Variants in CSMD1 observed in about 807,000 individuals in gnomAD.
The protein encoded by CSMD1 is CUB and Sushi multiple domains 1.
A neutral mutation model predicts 417.5 loss-of-function variants in CSMD1; 213 were observed. That is an observed-to-expected ratio of 0.51 (90% CI 0.46 to 0.57). The LOEUF (loss-of-function observed/expected upper bound fraction) is 0.57, where lower values mean the gene tolerates loss of function less well. Among genes scored for constraint, CSMD1 ranks in the 20% least tolerant of loss-of-function variants. The probability of loss-of-function intolerance (pLI) is 0.00; values close to 1 mark genes in which losing one functional copy is unlikely to be tolerated. For missense variants in CSMD1, 6,923 were observed against 4,529.7 expected (o/e 1.53, Z -15.17); for synonymous variants, 2,862 against 1,736.8 (o/e 1.65, Z -16.11).
chr8:3,427,805 C>A (rs1306953308), intron 12 of CSMD1, among the ~76,000 whole-genome samples: 4 of 152,278 alleles, frequency 2.6e-5, no homozygotes, highest in Admixed American at 2.6e-4. Flanking sequence ...ACTTTAAAAA[C>A]CCTCTCTAGA....
chr8:4,373,817 A>C (rs1310342677), intron 3 of CSMD1, among the ~76,000 whole-genome samples: 7 of 152,186 alleles, frequency 4.6e-5, no homozygotes, highest in African/African-American at 1.7e-4. Flanking sequence ...CAAAGCCTGG[A>C]AGACAGTACT....
intron 5 of CSMD1, among the ~76,000 whole-genome samples, chr8:3,817,966 G>C (rs1220052440): frequency 1.3e-5 from 2 of 152,020 alleles, no homozygotes; most frequent in Non-Finnish European, 2.9e-5. Flanking sequence ...TGGTATCTTT[G>C]GTATACTTAC....
chr8:3,301,981 A>G (rs566452182), intron 25 of CSMD1, among the ~76,000 whole-genome samples: 1 of 152,154 alleles, frequency 6.6e-6, no homozygotes, highest in African/African-American at 2.4e-5. Flanking sequence ...CATATAATTT[A>G]TCAAAAGAAT....
chr8:3,106,278 T>A lies in CSMD1; in HGVS notation c.6949+250A>T, dbSNP rs143390788. ...CAGGCATGGTGGTGCATGCATGTAG[T>A]CCCAGTTACTCAGGAGGCTGAGGCA... On this transcript the variant is annotated intron_variant, in intron 46 of 69. Transcript: ENST00000635120. Among the ~76,000 whole-genome samples the A allele has an allele frequency of 1.8e-3, 267 of 150,308 alleles. 2 individuals carry two copies. The highest frequency in any genetic ancestry group is 6.0e-3 in the African/African-American group (247 of 40,952).
chr8:4,130,210 C>G (rs1803013661), intron 3 of CSMD1, among the ~76,000 whole-genome samples: 2 of 152,104 alleles, frequency 1.3e-5, no homozygotes. Flanking sequence ...CTCAGGGTCC[C>G]TCACTTTCTT....
chr8:3,523,412 G>C (rs2117463757), intron 10 of CSMD1, among the ~76,000 whole-genome samples: 1 of 152,332 alleles, frequency 6.6e-6, no homozygotes, highest in Admixed American at 6.5e-5. Flanking sequence ...AGAGATCAAA[G>C]CGTTTGCAAC....
chr8:4,323,224 A>G (rs1181935724), intron 3 of CSMD1, among the ~76,000 whole-genome samples: 1 of 152,200 alleles, frequency 6.6e-6, no homozygotes. Context: ...TGATTGTAAG[A>G]GAAGTTAGGC....
chr8:4,873,740 T>G (rs2116925046), intron 1 of CSMD1, among the ~76,000 whole-genome samples: 1 of 152,278 alleles, frequency 6.6e-6, no homozygotes, highest in East Asian at 1.9e-4. Context: ...GCTCAAAGCC[T>G]TGAAAAATAT....
At chr8:4,133,878 T>G (rs1404602868) in intron 3 of CSMD1, among the ~76,000 whole-genome samples, 2 of 152,270 alleles carry the variant, frequency 1.3e-5, no homozygotes, top group South Asian at 2.1e-4. Flanking sequence ...GACAGGAAAT[T>G]TTTTATAAGA....
rs190717308 is a variant in CSMD1, at chr8:4,473,993, A to C, written c.303-53928T>G. Among the ~76,000 whole-genome samples, 521 of 152,288 alleles carry C rather than the reference A, an allele frequency of 3.4e-3. 6 individuals carry two copies. The highest frequency in any genetic ancestry group is 0.012 in the African/African-American group (502 of 41,560). On this transcript the variant is annotated intron_variant, in intron 2 of 69. Coordinates refer to ENST00000635120, the MANE Select transcript of CSMD1 (RefSeq NM_033225.6). ...TACCTGTGTCAAAAGAGACACAAAAAATTAATTTCAGAAAGACCCAATCCA... is the reference window on the plus strand; with the variant it reads ...TACCTGTGTCAAAAGAGACACAAAACATTAATTTCAGAAAGACCCAATCCA...
At chr8:4,638,861 C>T (rs1465088517) in intron 1 of CSMD1, among the ~76,000 whole-genome samples, 1 of 152,206 alleles carries the variant, frequency 6.6e-6, no homozygotes. Flanking sequence ...TGATTTCATT[C>T]TGCCTCTGCC....
chr8:3,292,966 G>A (rs534770357), intron 25 of CSMD1, among the ~76,000 whole-genome samples: 226 of 151,932 alleles, frequency 1.5e-3, no homozygotes, highest in East Asian at 5.4e-3. Context: ...GGCTGGTACC[G>A]GTTGTTCCTT....
chr8:3,335,070 G>C (rs527250737), intron 23 of CSMD1, among the ~76,000 whole-genome samples: 1 of 152,312 alleles, frequency 6.6e-6, no homozygotes, highest in South Asian at 2.1e-4. Context: ...GAGAAGTATA[G>C]CTATGACTCA....
chr8:3,391,182 G>A (rs1387328105), intron 17 of CSMD1, among the ~76,000 whole-genome samples: 1 of 146,114 alleles, frequency 6.8e-6, no homozygotes, highest in Non-Finnish European at 1.5e-5. Flanking sequence ...GCAAACAATT[G>A]GTGTGGTGTG....
chr8:3,227,802 C>T (rs111337881), intron 27 of CSMD1, among the ~76,000 whole-genome samples: 354 of 150,722 alleles, frequency 2.3e-3, no homozygotes, highest in African/African-American at 8.2e-3. Context: ...GAGTCTCACT[C>T]TGTTGCACAG....
intron 5 of CSMD1, among the ~76,000 whole-genome samples, chr8:3,833,203 C>T (rs1251098633): frequency 6.6e-6 from 1 of 152,044 alleles, no homozygotes; most frequent in Non-Finnish European, 1.5e-5. Flanking sequence ...AATTTTTAAT[C>T]AAGAATTTTT....
At chr8:3,302,806 G>C (rs1220512726) in intron 25 of CSMD1, among the ~76,000 whole-genome samples, 1 of 152,196 alleles carries the variant, frequency 6.6e-6, no homozygotes, top group Non-Finnish European at 1.5e-5. Flanking sequence ...CATGGCAGCT[G>C]AAATGTGAGT....
chr8:3,495,623 C>A (rs953521229), intron 10 of CSMD1, among the ~76,000 whole-genome samples: 1 of 152,180 alleles, frequency 6.6e-6, no homozygotes, highest in African/African-American at 2.4e-5. Context: ...GCATAGACAG[C>A]TTTTAGTTTG....
intron 1 of CSMD1, among the ~76,000 whole-genome samples, chr8:4,898,390 G>A (rs779655559): frequency 1.3e-5 from 2 of 151,472 alleles, no homozygotes; most frequent in African/African-American, 4.9e-5. Flanking sequence ...TTGCAGTCAA[G>A]TACTAGCAAT....
Sources: gnomAD v4.1 joint callset for allele counts (sites outside exome capture counted in the v4.1 genomes callset) on GRCh38, gnomAD v4.1.1 for gene constraint, MANE v1.5 for transcripts, NCBI Gene and HGNC (gene_info 2026-07-23, HGNC 2026-07-21) for gene names.